GALNT10: variants seen among roughly 807,000 people sequenced by gnomAD.
GALNT10 encodes GalNAc transferase 10.
Under a neutral mutation model 75.0 loss-of-function variants are expected in GALNT10, and 41 were observed. The ratio of observed to expected loss-of-function variants is 0.55; its 90% CI spans 0.43 to 0.71. The LOEUF (loss-of-function observed/expected upper bound fraction) is 0.71. GALNT10 is among the 30% of genes least tolerant of loss of function. The pLI is 0.00. For missense variants in GALNT10, 727 were observed against 818.5 expected, an observed-to-expected ratio of 0.89 and a Z score of 1.36; for synonymous variants, 302 against 313.0, an observed-to-expected ratio of 0.96 and a Z score of 0.37.
In GALNT10 at chr5:154,298,424, T is replaced by TAAA. The variant is rs139833446; in HGVS notation, c.401+351_401+353dup. The stretch of plus-strand genomic sequence containing the variant: ...TCTGTGTGATGTTTTTATTTCTTTT[T>TAAA]AAAAAAAATCTTTCTATATATTTGT... On this transcript the variant is annotated intron_variant, in intron 3 of 11. Coordinates refer to ENST00000297107, the MANE Select transcript of GALNT10 (RefSeq NM_198321.4). This position sits in a 1 kb window ranked among gnomAD's most constrained non-coding sequence, Gnocchi z 4.1. 7.9e-5 allele frequency among the ~76,000 whole-genome samples: 12 copies of TAAA among 152,226 alleles called. No homozygotes were observed. In the South Asian group the frequency reaches 8.3e-4, roughly 11 times the overall value.
At chr5:154,348,201 A>G (rs998000258) in intron 4 of GALNT10, among the ~76,000 whole-genome samples, 3 of 152,252 alleles carry the variant, frequency 2.0e-5, no homozygotes, top group Non-Finnish European at 4.4e-5. Flanking sequence ...TCATTTGTAT[A>G]TCATCAGTCA....
At chr5:154,270,613 A>G (rs184288808) in intron 1 of GALNT10, among the ~76,000 whole-genome samples, 28 of 152,276 alleles carry the variant, frequency 1.8e-4, no homozygotes, top group African/African-American at 6.3e-4. Flanking sequence ...TTGATCCTCC[A>G]GTCAGCTGGA....
intron 1 of GALNT10, among the ~76,000 whole-genome samples, chr5:154,272,694 C>T (rs1436785211): frequency 1.3e-5 from 2 of 152,118 alleles, no homozygotes; most frequent in South Asian, 2.1e-4. Context: ...AAAATAGGAA[C>T]GATAATAATA....
chr5:154,215,631 A>G (rs545935934), intron 1 of GALNT10, among the ~76,000 whole-genome samples: 1 of 152,348 alleles, frequency 6.6e-6, no homozygotes, highest in Non-Finnish European at 1.5e-5. Flanking sequence ...AAGATATAAC[A>G]GTGATTTTCC....
intron 3 of GALNT10, among the ~76,000 whole-genome samples, chr5:154,299,829 AG>A (rs983704668): frequency 8.8e-6 from 1 of 114,180 alleles, no homozygotes; most frequent in Non-Finnish European, 1.7e-5. Context: ...GTCAAATCCC[AG>A]ATTTTTTTTT....
chr5:154,267,279 T>C (rs950130131), intron 1 of GALNT10, among the ~76,000 whole-genome samples: 15 of 152,220 alleles, frequency 9.9e-5, no homozygotes, highest in African/African-American at 3.6e-4. Flanking sequence ...CAGATGCTCC[T>C]GCTCTAAGCA....
chr5:154,241,032 G>T (rs1218966032), intron 1 of GALNT10, among the ~76,000 whole-genome samples: 2 of 152,240 alleles, frequency 1.3e-5, no homozygotes, highest in South Asian at 2.1e-4. Flanking sequence ...GGCTGGAGGT[G>T]TTGCTTTGAG....
At chr5:154,345,799 C>A (rs537986074) in intron 4 of GALNT10, among the ~76,000 whole-genome samples, 5 of 107,116 alleles carry the variant, frequency 4.7e-5, no homozygotes, top group Non-Finnish European at 8.4e-5. Flanking sequence ...CTACACCCGG[C>A]GAATTTTTTT....
At chr5:154,364,747 T>C (rs989161607) in intron 4 of GALNT10, among the ~76,000 whole-genome samples, 1 of 152,026 alleles carries the variant, frequency 6.6e-6, no homozygotes, top group African/African-American at 2.4e-5. Context: ...ATGAAATACA[T>C]GTTGCTCTCC....
chr5:154,337,895 C>T (rs1222866681), intron 4 of GALNT10: 2 of 1,314,050 alleles, frequency 1.5e-6, no homozygotes, highest in Non-Finnish European at 2.2e-6. Flanking sequence ...ACAGGGCTTT[C>T]CTAACTTTAC....
intron 1 of GALNT10, among the ~76,000 whole-genome samples, chr5:154,215,327 C>T (rs146420605): frequency 0.025 from 3,845 of 152,130 alleles, 77 homozygotes; most frequent in Middle Eastern, 0.13. Context: ...CTAAAAAATA[C>T]AAAAAATTAG....
At position 154,409,611 on chromosome 5, in the gene GALNT10, A is replaced by T. The variant is rs1262120665; in HGVS notation, c.1235A>T (p.Tyr412Phe). Residue 412 changes from tyrosine (Y) to phenylalanine (F), a missense_variant, in exon 9 of 12, where the codon TAC becomes TTC. Tyr to Phe is a conservative substitution (Grantham distance 22). Transcript: ENST00000297107. This position sits in a 1 kb window ranked among gnomAD's most constrained non-coding sequence, Gnocchi z 4.5. ...TACATTTACCAGCGCCGGCCTGAAT[A>T]CCGCCACCTCTCCGCTGGGGATGTC... ...AEYIYQRRPE[Y>F]RHLSAGDVAV... 6.2e-7 allele frequency: 1 copy of T among 1,613,966 alleles called. No homozygotes were observed. Among genetic ancestry groups the T allele is most frequent in the Non-Finnish European group, 8.5e-7 (1 of 1,179,834 alleles).
At chr5:154,306,167 A>G (rs1033389836) in intron 3 of GALNT10, among the ~76,000 whole-genome samples, 2 of 152,198 alleles carry the variant, frequency 1.3e-5, no homozygotes, top group African/African-American at 4.8e-5. Flanking sequence ...AGCACTGTCA[A>G]CCAATATGAC....
Position 154,272,515 on chromosome 5 carries a change from G to A in GALNT10, c.160-22301G>A, listed in dbSNP as rs140622014. 2.0e-3 allele frequency among the ~76,000 whole-genome samples: 310 copies of A among 152,278 alleles called. 1 individual carries two copies. Among genetic ancestry groups the A allele is most frequent in the African/African-American group, 7.0e-3 (290 of 41,550 alleles). On this transcript the variant is annotated intron_variant, in intron 1 of 11. Coordinates refer to ENST00000297107, the MANE Select transcript of GALNT10 (RefSeq NM_198321.4). ...ACCTGTGGGTGTTTTGTCCCTCCAG[G>A]AACACCACGTGGGCAGTGTAATGGA...
chr5:154,331,141 G>A (rs1754857512), intron 4 of GALNT10, among the ~76,000 whole-genome samples: 1 of 152,088 alleles, frequency 6.6e-6, no homozygotes, highest in African/African-American at 2.4e-5. Context: ...TTTGATTGCA[G>A]GGACTACCAC....
chr5:154,288,250 C>T (rs1444058978), intron 1 of GALNT10, among the ~76,000 whole-genome samples: 1 of 152,156 alleles, frequency 6.6e-6, no homozygotes, highest in East Asian at 1.9e-4. Flanking sequence ...GCCAGAGATG[C>T]TCTTTGCCAA....
intron 4 of GALNT10, among the ~76,000 whole-genome samples, chr5:154,335,314 T>G (rs569776499): frequency 1.3e-5 from 2 of 152,270 alleles, no homozygotes; most frequent in South Asian, 4.2e-4. Flanking sequence ...ACAGCTCCAG[T>G]AGGCCTAGAG....
At chr5:154,259,166 G>A (rs1753661046) in intron 1 of GALNT10, among the ~76,000 whole-genome samples, 1 of 151,806 alleles carries the variant, frequency 6.6e-6, no homozygotes. Flanking sequence ...TTAGTTCTGG[G>A]ATCTCTTTAG....
At chr5:154,381,527 G>C (rs1052122348) in intron 6 of GALNT10, among the ~76,000 whole-genome samples, 6 of 152,234 alleles carry the variant, frequency 3.9e-5, no homozygotes, top group African/African-American at 1.4e-4. Flanking sequence ...GTTTCCTATA[G>C]CTGCTGTGAT....
Sources: allele counts gnomAD v4.1 joint callset (sites outside exome capture counted in the v4.1 genomes callset), GRCh38; gene constraint gnomAD v4.1.1; non-coding constraint Gnocchi (gnomAD v3.1); transcripts MANE v1.5; gene names NCBI Gene and HGNC (gene_info 2026-07-23, HGNC 2026-07-21).